Variants in MYOZ2 observed in about 807,000 individuals in gnomAD.
The protein encoded by MYOZ2 is myozenin-2.
MYOZ2 carries 19 observed loss-of-function variants against 25.4 expected under a neutral mutation model. The ratio of observed to expected loss-of-function variants is 0.75; its 90% CI spans 0.52 to 1.10. The LOEUF (loss-of-function observed/expected upper bound fraction) is 1.10, where lower values mean the gene tolerates loss of function less well. Ranked by LOEUF, MYOZ2 falls within the 50% of genes least tolerant of loss-of-function variation. MYOZ2 has a pLI of 0.00. For missense variants in MYOZ2, 270 were observed against 317.9 expected (o/e 0.85, Z 1.15); for synonymous variants, 92 against 106.9 (o/e 0.86, Z 0.86).
Position 119,158,107 on chromosome 4 carries a change from C to T in MYOZ2, c.332C>T (p.Thr111Ile), listed in dbSNP as rs1302125658. 2 of 1,614,062 alleles carry T rather than the reference C, an allele frequency of 1.2e-6. No homozygotes were observed. Among genetic ancestry groups the T allele is most frequent in the East Asian group, 2.2e-5 (1 of 44,884 alleles). ...CAAGCCCCCTTGACTCCTCCCAACA[C>T]CCCAGATCCACGAAGCCCTCCAAAT... is the stretch of plus-strand genomic sequence containing the variant. ...SQQAPLTPPN[T>I]PDPRSPPNPD... The change falls in exon 4 of 6, where the codon ACC (threonine) becomes ATC (isoleucine). Residue 111 changes from threonine to isoleucine, a missense_variant. Thr to Ile is a moderately conservative substitution (Grantham distance 89). Transcript: ENST00000307128.
chr4:119,150,308 A>T (rs1741417484), intron 2 of MYOZ2, among the ~76,000 whole-genome samples: 1 of 152,138 alleles, frequency 6.6e-6, no homozygotes, highest in South Asian at 2.1e-4. Context: ...TTAGGTAAGA[A>T]ATTAATATAA....
chr4:119,177,531 A>C (rs1578370379), intron 5 of MYOZ2, among the ~76,000 whole-genome samples: 1 of 152,284 alleles, frequency 6.6e-6, no homozygotes, highest in East Asian at 1.9e-4. Flanking sequence ...TTCCACAAAC[A>C]TCCTATACCT....
chr4:119,173,367 T>C (rs957232700), intron 5 of MYOZ2, among the ~76,000 whole-genome samples: 1 of 152,210 alleles, frequency 6.6e-6, no homozygotes, highest in Non-Finnish European at 1.5e-5. Context: ...AAATCTTTCA[T>C]TGGAAACGTT....
At chr4:119,185,463 C>T (rs1324762219) in intron 5 of MYOZ2, among the ~76,000 whole-genome samples, 2 of 152,024 alleles carry the variant, frequency 1.3e-5, no homozygotes, top group Non-Finnish European at 2.9e-5. Flanking sequence ...TTCAGGTGCC[C>T]GCCACCATGC....
At chr4:119,139,886 T>G (rs1309133397) in intron 2 of MYOZ2, among the ~76,000 whole-genome samples, 2 of 152,124 alleles carry the variant, frequency 1.3e-5, no homozygotes, top group Admixed American at 6.5e-5. Context: ...TTGTTTGTTT[T>G]TTTCTCCTCA....
At chr4:119,152,417 A>G (rs112326293) in intron 3 of MYOZ2, among the ~76,000 whole-genome samples, 3,433 of 152,208 alleles carry the variant, frequency 0.023, 131 homozygotes, top group African/African-American at 0.075. Context: ...AAAGTCATCT[A>G]CAAGTTTAGA....
At chr4:119,140,440 T>C (rs1304876690) in intron 2 of MYOZ2, among the ~76,000 whole-genome samples, 1 of 152,236 alleles carries the variant, frequency 6.6e-6, no homozygotes, top group East Asian at 1.9e-4. Flanking sequence ...TTGGTAATTT[T>C]CTGTGGTTTG....
chr4:119,168,093 C>T (rs1457346107), intron 5 of MYOZ2, among the ~76,000 whole-genome samples: 1 of 152,190 alleles, frequency 6.6e-6, no homozygotes, highest in African/African-American at 2.4e-5. Context: ...CTGCCTCAGC[C>T]TCCTGAGTAG....
At chr4:119,176,182 C>G (rs1231004166) in intron 5 of MYOZ2, among the ~76,000 whole-genome samples, 1 of 152,132 alleles carries the variant, frequency 6.6e-6, no homozygotes, top group African/African-American at 2.4e-5. Flanking sequence ...GCTAAGAAAT[C>G]AGTAATTTGT....
At chr4:119,141,851 T>A (rs1741164828) in intron 2 of MYOZ2, among the ~76,000 whole-genome samples, 1 of 152,198 alleles carries the variant, frequency 6.6e-6, no homozygotes, top group Non-Finnish European at 1.5e-5. Context: ...GAACTTAGAA[T>A]CTGTGTGCTC....
intron 5 of MYOZ2, among the ~76,000 whole-genome samples, chr4:119,168,371 A>G (rs1245385759): frequency 6.6e-5 from 10 of 152,188 alleles, no homozygotes; most frequent in Non-Finnish European, 1.3e-4. Flanking sequence ...AACACATTTC[A>G]TAAGGCTATA....
chr4:119,138,226 C>T (rs1394717881), intron 2 of MYOZ2, among the ~76,000 whole-genome samples: 2 of 152,170 alleles, frequency 1.3e-5, no homozygotes, highest in Non-Finnish European at 2.9e-5. Context: ...CCTCCCATGT[C>T]ACTGGATGAG....
At chr4:119,157,128 C>T in intron 3 of MYOZ2, among the ~76,000 whole-genome samples, 1 of 152,232 alleles carries the variant, frequency 6.6e-6, no homozygotes, top group South Asian at 2.1e-4. Context: ...ATGTCACACA[C>T]AAAAGAGTCA....
chr4:119,143,747 A>G (rs1741225429), intron 2 of MYOZ2, among the ~76,000 whole-genome samples: 1 of 152,124 alleles, frequency 6.6e-6, no homozygotes. Context: ...ACTGATCTTT[A>G]TGCTACCTTC....
intron 5 of MYOZ2, among the ~76,000 whole-genome samples, chr4:119,167,955 G>A (rs1448964274): frequency 6.6e-6 from 1 of 151,948 alleles, no homozygotes; most frequent in East Asian, 1.9e-4. Flanking sequence ...TGATGGCAAT[G>A]TACACGGAGA....
intron 3 of MYOZ2, 92 bp from the exon 4 acceptor site, chr4:119,157,930 T>C: frequency 1.4e-6 from 2 of 1,477,870 alleles, no homozygotes; most frequent in Non-Finnish European, 9.4e-7. Context: ...ATTTAAATTA[T>C]AAATATACAA....
intron 3 of MYOZ2, among the ~76,000 whole-genome samples, chr4:119,154,927 A>C (rs1432167409): frequency 6.6e-6 from 1 of 151,494 alleles, no homozygotes. Context: ...GTTATAAAGT[A>C]ATAGCTGAGA....
chr4:119,150,584 G>A (rs1337033192), intron 2 of MYOZ2, among the ~76,000 whole-genome samples: 3 of 151,610 alleles, frequency 2.0e-5, no homozygotes, highest in African/African-American at 7.2e-5. Context: ...AGACTAAATT[G>A]TACTAGTAGT....
intron 3 of MYOZ2, among the ~76,000 whole-genome samples, chr4:119,157,002 A>G (rs1383895033): frequency 6.6e-6 from 1 of 152,210 alleles, no homozygotes; most frequent in Non-Finnish European, 1.5e-5. Context: ...TTAAAACAAA[A>G]TTGTATTCTA....
Sources: allele counts gnomAD v4.1 joint callset (sites outside exome capture counted in the v4.1 genomes callset), GRCh38; gene constraint gnomAD v4.1.1; transcripts MANE v1.5; gene names NCBI Gene and HGNC (gene_info 2026-07-23, HGNC 2026-07-21).